ZDHHC15: variants seen among roughly 807,000 people sequenced by gnomAD.
The protein encoded by ZDHHC15 is palmitoyltransferase ZDHHC15.
In ZDHHC15, 19 loss-of-function variants were observed where a neutral mutation model predicts 31.7. The ratio of observed to expected loss-of-function variants is 0.60; its 90% CI spans 0.42 to 0.88. The LOEUF (loss-of-function observed/expected upper bound fraction) is 0.88. Ranked by LOEUF, ZDHHC15 falls within the 40% of genes least tolerant of loss-of-function variation. The pLI is 0.00. For synonymous variants in ZDHHC15, 103 were observed against 90.0 expected (o/e 1.14, Z -0.82); for missense variants, 209 against 251.2 (o/e 0.83, Z 1.14).
At chrX:75,519,040 C>CT (rs2085409016) in intron 1 of ZDHHC15, among the ~76,000 whole-genome samples, 1 of 108,063 alleles carries the variant, frequency 9.3e-6, no homozygotes, top group South Asian at 4.1e-4. Context: ...TTGGCTAGGA[C>CT]TTGGGGGAAG....
chrX:75,425,114 T>C (rs2083696080), intron 7 of ZDHHC15, among the ~76,000 whole-genome samples: 1 of 111,131 alleles, frequency 9.0e-6, no homozygotes, highest in Non-Finnish European at 1.9e-5. Flanking sequence ...GTAGTCAATT[T>C]AGTTTGAGAT....
intron 4 of ZDHHC15, among the ~76,000 whole-genome samples, chrX:75,439,368 C>G (rs1370834050): frequency 9.0e-6 from 1 of 111,273 alleles, no homozygotes; most frequent in Non-Finnish European, 1.9e-5. Context: ...TTTTTTGAAT[C>G]TTTTTTCTTT....
chrX:75,486,660 T>C (rs2084782597), intron 2 of ZDHHC15, among the ~76,000 whole-genome samples: 1 of 111,928 alleles, frequency 8.9e-6, no homozygotes, highest in Non-Finnish European at 1.9e-5. Flanking sequence ...AAAGCAAGAA[T>C]GAGATTGGCC....
intron 1 of ZDHHC15, among the ~76,000 whole-genome samples, chrX:75,518,005 C>T (rs944636472): frequency 4.6e-5 from 5 of 109,699 alleles, no homozygotes; most frequent in African/African-American, 1.6e-4. Context: ...AACAAACAAA[C>T]AAAAAACCAA....
chrX:75,373,924 C>CTTTTT (rs1298329750), intron 11 of ZDHHC15, among the ~76,000 whole-genome samples: 6 of 19,043 alleles, frequency 3.2e-4, no homozygotes, highest in African/African-American at 4.1e-4. Context: ...TTCATTCTTT[C>CTTTTT]TGTTTTTTTT....
rs943881230 is a variant in ZDHHC15, at chrX:75,402,060, A to G, written c.967+15027T>C. ...ACACACTCTGGAACCACAGTGCCAT[A>G]AAAATAGAAGTAAACACAATAAAAA... is the stretch of plus-strand genomic sequence containing the variant. On this transcript the variant is annotated intron_variant, in intron 10 of 11. Transcript: ENST00000373367. Among the ~76,000 whole-genome samples, 5 of 112,695 alleles carry G rather than the reference A, an allele frequency of 4.4e-5. No homozygotes were observed. The Admixed American group carries it at 4.7e-4, about 11-fold the overall frequency.
chrX:75,491,778 G>C (rs1380396503), intron 2 of ZDHHC15, among the ~76,000 whole-genome samples: 1 of 110,857 alleles, frequency 9.0e-6, no homozygotes, highest in Non-Finnish European at 1.9e-5. Context: ...CCCTAAAAGA[G>C]CTCCTGAAGG....
intron 2 of ZDHHC15, among the ~76,000 whole-genome samples, chrX:75,496,331 C>A (rs1382628548): frequency 9.0e-6 from 1 of 111,432 alleles, no homozygotes; most frequent in Non-Finnish European, 1.9e-5. Context: ...ATGCACCTAA[C>A]ACTTGTGCTC....
chrX:75,472,664 C>A lies in ZDHHC15; in HGVS notation c.258+6227G>T, dbSNP rs1243748211. ...TTTAATAATCAAGTGGATAGGACGACCTGTTCTGTGGACATCACTCAGCCT... is the reference window on the plus strand; with the variant it reads ...TTTAATAATCAAGTGGATAGGACGAACTGTTCTGTGGACATCACTCAGCCT... On this transcript the variant is annotated intron_variant, in intron 3 of 11. Transcript: ENST00000373367. Among the ~76,000 whole-genome samples, 3 of 112,228 alleles carry A rather than the reference C, an allele frequency of 2.7e-5. 1 individual carries two copies. Among genetic ancestry groups the A allele is most frequent in the Admixed American group, 1.9e-4 (2 of 10,659 alleles).
chrX:75,386,982 C>T (rs2083186687), intron 10 of ZDHHC15, among the ~76,000 whole-genome samples: 1 of 111,184 alleles, frequency 9.0e-6, no homozygotes, highest in Non-Finnish European at 1.9e-5. Flanking sequence ...AAAGGAACTA[C>T]ACCTAATGGA....
intron 3 of ZDHHC15, among the ~76,000 whole-genome samples, chrX:75,463,695 T>C (rs1018013994): frequency 8.9e-6 from 1 of 111,766 alleles, no homozygotes; most frequent in Non-Finnish European, 1.9e-5. Context: ...GAAAAAATGC[T>C]CATCATCACT....
At chrX:75,416,286 A>T (rs761775451) in intron 10 of ZDHHC15, among the ~76,000 whole-genome samples, 1 of 111,720 alleles carries the variant, frequency 9.0e-6, no homozygotes, top group East Asian at 2.8e-4. Context: ...ATACTTTTCC[A>T]TGTCTTCATT....
rs187973198 is a variant in ZDHHC15, at chrX:75,432,897, T to C, written c.380-1377A>G. Among the ~76,000 whole-genome samples, 870 of 111,110 alleles carry C rather than the reference T, an allele frequency of 7.8e-3. 11 individuals carry two copies. Among genetic ancestry groups the C allele is most frequent in the African/African-American group, 0.026 (797 of 30,464 alleles). Reference sequence around the variant, plus strand: ...TACTTGGGAGGCCGAGGCGGGAGGATTGCTAGAGCCCAGGAGTTCGAGGCT... The same window carrying C: ...TACTTGGGAGGCCGAGGCGGGAGGACTGCTAGAGCCCAGGAGTTCGAGGCT... On this transcript the variant is annotated intron_variant, in intron 4 of 11. Coordinates refer to ENST00000373367, the MANE Select transcript of ZDHHC15 (RefSeq NM_144969.3).
chrX:75,433,629 A>C (rs1272736215), intron 4 of ZDHHC15, among the ~76,000 whole-genome samples: 1 of 106,562 alleles, frequency 9.4e-6, no homozygotes, highest in Non-Finnish European at 1.9e-5. Flanking sequence ...TTTATGGCCA[A>C]GTAGTGTATA....
At chrX:75,382,322 G>A (rs188914053) in intron 10 of ZDHHC15, among the ~76,000 whole-genome samples, 42 of 112,242 alleles carry the variant, frequency 3.7e-4, no homozygotes, top group Middle Eastern at 9.3e-3. Context: ...TGACAACAAA[G>A]GTAAAGGAAT....
In ZDHHC15 at chrX:75,493,095, C is replaced by T. The variant is rs745849090; in HGVS notation, c.163+12726G>A. On this transcript the variant is annotated intron_variant, in intron 2 of 11. Transcript: ENST00000373367. ...AATAGATACAATACAAAATGATAAACGGGGTATCACCACTGATCCCACAGA... is the reference window on the plus strand; with the variant it reads ...AATAGATACAATACAAAATGATAAATGGGGTATCACCACTGATCCCACAGA... Among the ~76,000 whole-genome samples the T allele has an allele frequency of 6.5e-4, 72 of 111,441 alleles. No individual in the cohort carries two copies. In the South Asian group the frequency reaches 0.015, roughly 23 times the overall value.
chrX:75,488,542 C>G (rs1307915639), intron 2 of ZDHHC15, among the ~76,000 whole-genome samples: 1 of 112,289 alleles, frequency 8.9e-6, no homozygotes, highest in Non-Finnish European at 1.9e-5. Flanking sequence ...GAAATAAAAC[C>G]TCAAATTACA....
intron 3 of ZDHHC15, among the ~76,000 whole-genome samples, chrX:75,458,157 G>GA (rs2084254231): frequency 8.9e-6 from 1 of 112,134 alleles, no homozygotes; most frequent in Non-Finnish European, 1.9e-5. Flanking sequence ...ATTAACTACT[G>GA]AAAAATGCAT....
rs180689727 is a variant in ZDHHC15 at position 75,453,944 on chromosome X, C to A, written c.259-3022G>T. 3.1e-3 allele frequency among the ~76,000 whole-genome samples: 347 copies of A among 111,490 alleles called. 9 individuals carry two copies. In the East Asian group the frequency reaches 0.086, roughly 28 times the overall value. The stretch of plus-strand genomic sequence containing the variant: ...CACAGCCAGTATCATACTGAATGGG[C>A]AAAAACTGGAAGCACTCCCTTTGAA... On this transcript the variant is annotated intron_variant, in intron 3 of 11. Transcript: ENST00000373367.
Sources: allele counts gnomAD v4.1 joint callset (sites outside exome capture counted in the v4.1 genomes callset), GRCh38; gene constraint gnomAD v4.1.1; transcripts MANE v1.5; gene names NCBI Gene and HGNC (gene_info 2026-07-23, HGNC 2026-07-21).